Variants in PRR16 observed in about 807,000 individuals in gnomAD.
PRR16 encodes the protein proline rich 16, also known as protein Largen.
In PRR16, 6 loss-of-function variants were observed where a neutral mutation model predicts 18.2. That is an observed-to-expected ratio of 0.33 (90% CI 0.18 to 0.65). The LOEUF is 0.65. Among genes scored for constraint, PRR16 ranks in the 30% least tolerant of loss-of-function variants. The probability of loss-of-function intolerance (pLI) is 0.74; values close to 1 mark genes in which losing one functional copy is unlikely to be tolerated. For synonymous variants in PRR16, 151 were observed against 147.8 expected (o/e 1.02, Z -0.16); for missense variants, 412 against 376.6 (o/e 1.09, Z -0.78).
At chr5:120,608,952 C>A (rs932994784) in intron 1 of PRR16, among the ~76,000 whole-genome samples, 6 of 152,136 alleles carry the variant, frequency 3.9e-5, no homozygotes, top group Admixed American at 3.9e-4. Flanking sequence ...GAGGGTTTCT[C>A]CTGATGGTCT....
the PRR16 span, among the ~76,000 whole-genome samples, chr5:120,731,944 CA>C: frequency 6.6e-6 from 1 of 152,156 alleles, no homozygotes; most frequent in Admixed American, 6.5e-5. Context: ...ACATAGCTGG[CA>C]AGACAGACTG....
chr5:120,468,939 GA>G (rs1749185604), intron 1 of PRR16, among the ~76,000 whole-genome samples: 1 of 152,170 alleles, frequency 6.6e-6, no homozygotes, highest in South Asian at 2.1e-4. Context: ...GACTCTAACA[GA>G]GAAACTAAAA....
At chr5:120,705,565 T>C in the PRR16 span, among the ~76,000 whole-genome samples, 3 of 152,154 alleles carry the variant, frequency 2.0e-5, no homozygotes, top group Admixed American at 6.6e-5. Context: ...ATAATCAGCT[T>C]ATATTTTCCA....
intron 1 of PRR16, among the ~76,000 whole-genome samples, chr5:120,579,068 C>T (rs1345846430): frequency 1.3e-5 from 2 of 152,184 alleles, no homozygotes; most frequent in Non-Finnish European, 2.9e-5. Flanking sequence ...AGTATCTTTT[C>T]ATATCCTTTG....
the PRR16 span, among the ~76,000 whole-genome samples, chr5:120,771,096 T>TTAAG: frequency 6.6e-6 from 1 of 152,032 alleles, no homozygotes; most frequent in African/African-American, 2.4e-5. Flanking sequence ...ATGGTTCAAA[T>TTAAG]TAAGTAAGTT....
chr5:120,719,091 A>G, the PRR16 span, among the ~76,000 whole-genome samples: 2 of 152,124 alleles, frequency 1.3e-5, no homozygotes, highest in African/African-American at 4.8e-5. Context: ...AAGTTTTGAC[A>G]AAATTGTGTA....
At chr5:120,754,194 T>G in the PRR16 span, among the ~76,000 whole-genome samples, 2 of 89,848 alleles carry the variant, frequency 2.2e-5, no homozygotes, top group South Asian at 3.1e-4. Flanking sequence ...TAATATATAA[T>G]TATATATTAT....
intron 1 of PRR16, among the ~76,000 whole-genome samples, chr5:120,516,175 G>A (rs1301333689): frequency 6.6e-6 from 1 of 152,134 alleles, no homozygotes; most frequent in Non-Finnish European, 1.5e-5. Context: ...CGTAATCTCA[G>A]CACTTTGGGA....
chr5:120,649,120 G>A (rs185544455), intron 1 of PRR16, among the ~76,000 whole-genome samples: 2 of 152,192 alleles, frequency 1.3e-5, no homozygotes, highest in African/African-American at 2.4e-5. Context: ...ACGCTGGCTC[G>A]AGCACACCAC....
chr5:120,508,642 C>T (rs1258550567), intron 1 of PRR16, among the ~76,000 whole-genome samples: 2 of 152,082 alleles, frequency 1.3e-5, no homozygotes, highest in Non-Finnish European at 2.9e-5. Flanking sequence ...TCCAGTATAT[C>T]CAGAATATCC....
At chr5:120,628,634 C>T (rs1048224138) in intron 1 of PRR16, among the ~76,000 whole-genome samples, 1 of 149,070 alleles carries the variant, frequency 6.7e-6, no homozygotes, top group Non-Finnish European at 1.5e-5. Context: ...CTACTCATCT[C>T]TCTATCTTTC....
At chr5:120,752,629 A>G in the PRR16 span, among the ~76,000 whole-genome samples, 1 of 152,044 alleles carries the variant, frequency 6.6e-6, no homozygotes, top group African/African-American at 2.4e-5. Flanking sequence ...ATTAACTTCT[A>G]TATTCCTAGA....
intron 1 of PRR16, among the ~76,000 whole-genome samples, chr5:120,635,106 A>C (rs939900384): frequency 2.6e-5 from 4 of 152,174 alleles, no homozygotes; most frequent in African/African-American, 4.8e-5. Flanking sequence ...ACAAGCAGTA[A>C]GGTTGAAATG....
chr5:120,653,320 C>T (rs1362474302), intron 1 of PRR16, among the ~76,000 whole-genome samples: 2 of 148,952 alleles, frequency 1.3e-5, no homozygotes. Flanking sequence ...AGTATTTTTT[C>T]ACTGGCATTT....
intron 1 of PRR16, among the ~76,000 whole-genome samples, chr5:120,555,801 G>GTT (rs201939623): frequency 1.1e-4 from 14 of 125,318 alleles, no homozygotes; most frequent in African/African-American, 1.8e-4. Flanking sequence ...ACCTAGAAAG[G>GTT]TTTTTTTTTT....
At chr5:120,513,003 A>G (rs923428919) in intron 1 of PRR16, among the ~76,000 whole-genome samples, 1 of 152,108 alleles carries the variant, frequency 6.6e-6, no homozygotes, top group Non-Finnish European at 1.5e-5. Flanking sequence ...TTTCTAGACT[A>G]AATATGGTCA....
chr5:120,674,947 G>T (rs532103270), intron 1 of PRR16, among the ~76,000 whole-genome samples: 1 of 148,276 alleles, frequency 6.7e-6, no homozygotes, highest in Non-Finnish European at 1.5e-5. Context: ...CTTTTTTTAC[G>T]TATGTGTTAT....
intron 1 of PRR16, among the ~76,000 whole-genome samples, chr5:120,601,203 C>T (rs777289007): frequency 3.9e-5 from 6 of 151,908 alleles, no homozygotes; most frequent in Non-Finnish European, 8.8e-5. Context: ...CGTGTATAAG[C>T]ATTCCCTCTT....
At chr5:120,757,140 CTTAT>C in the PRR16 span, among the ~76,000 whole-genome samples, 2 of 151,738 alleles carry the variant, frequency 1.3e-5, no homozygotes, top group South Asian at 2.1e-4. Context: ...GGTTTGTGGC[CTTAT>C]TTTTGGGTTC....
Sources: allele counts gnomAD v4.1 joint callset (sites outside exome capture counted in the v4.1 genomes callset), GRCh38; gene constraint gnomAD v4.1.1; transcripts MANE v1.5; gene names NCBI Gene and HGNC (gene_info 2026-07-23, HGNC 2026-07-21).